The following CTIF variants were observed in gnomAD, a reference collection of about 807,000 sequenced individuals.
CTIF encodes the protein cap binding complex dependent translation initiation factor, also known as CBP80/20-dependent translation initiation factor.
CTIF carries 21 observed loss-of-function variants against 66.0 expected under a neutral mutation model. The observed-to-expected ratio is 0.32, with a 90% CI of 0.23 to 0.46. CTIF has a LOEUF of 0.46. Among genes scored for constraint, CTIF ranks in the 20% least tolerant of loss-of-function variants. The pLI is 1.00. For synonymous variants in CTIF, 345 were observed against 326.4 expected, an observed-to-expected ratio of 1.06 and a Z score of -0.62; for missense variants, 739 against 812.7, an observed-to-expected ratio of 0.91 and a Z score of 1.10.
intron 9 of CTIF, among the ~76,000 whole-genome samples, chr18:48,810,588 A>G (rs115578629): frequency 0.016 from 2,467 of 152,128 alleles, 65 homozygotes; most frequent in African/African-American, 0.056. Context: ...GCTTGTTTCA[A>G]TTTAATCTTA....
chr18:48,754,090 A>G (rs921599230), intron 7 of CTIF, among the ~76,000 whole-genome samples: 1 of 152,232 alleles, frequency 6.6e-6, no homozygotes, highest in African/African-American at 2.4e-5. Flanking sequence ...AGTCTGTTCC[A>G]GTGCCCTTAG....
chr18:48,662,894 T>G (rs1477697493), intron 3 of CTIF, among the ~76,000 whole-genome samples: 1 of 152,160 alleles, frequency 6.6e-6, no homozygotes, highest in Non-Finnish European at 1.5e-5. Context: ...GGTTTATTTA[T>G]CGAATCAGCT....
intron 1 of CTIF, among the ~76,000 whole-genome samples, chr18:48,607,759 C>G (rs550571273): frequency 6.6e-6 from 1 of 152,178 alleles, no homozygotes; most frequent in Non-Finnish European, 1.5e-5. Flanking sequence ...AGACACTGAG[C>G]AGGAGCACCC....
At chr18:48,625,996 C>CTTTTTTT (rs769138284) in intron 2 of CTIF, among the ~76,000 whole-genome samples, 2 of 114,486 alleles carry the variant, frequency 1.7e-5, no homozygotes, top group African/African-American at 3.6e-5. Flanking sequence ...ATTTCTTTTT[C>CTTTTTTT]TTTCTTTTTT....
intron 5 of CTIF, among the ~76,000 whole-genome samples, chr18:48,669,236 T>C (rs1376412335): frequency 6.6e-6 from 1 of 152,098 alleles, no homozygotes; most frequent in Non-Finnish European, 1.5e-5. Context: ...AGATGCTTGG[T>C]AAATGTTTAA....
At chr18:48,579,358 C>T (rs946414213) in intron 1 of CTIF, among the ~76,000 whole-genome samples, 10 of 152,142 alleles carry the variant, frequency 6.6e-5, no homozygotes, top group Non-Finnish European at 1.3e-4. Flanking sequence ...GTTGGCCAGG[C>T]TGGTCTCGCA....
chr18:48,764,124 C>T (rs769472747), intron 9 of CTIF, among the ~76,000 whole-genome samples: 3 of 152,182 alleles, frequency 2.0e-5, no homozygotes, highest in Non-Finnish European at 2.9e-5. Flanking sequence ...CCCCCTGAAG[C>T]ATCTCACACT....
intron 6 of CTIF, among the ~76,000 whole-genome samples, chr18:48,696,197 G>C (rs74579934): frequency 9.4e-4 from 143 of 152,350 alleles, no homozygotes; most frequent in African/African-American, 3.3e-3. Context: ...GGGGGCTTAG[G>C]AGTCCCTGGA....
At chr18:48,626,644 CGTTTTTTTTTT>C (rs1220397497) in intron 2 of CTIF, among the ~76,000 whole-genome samples, 1 of 124,572 alleles carries the variant, frequency 8.0e-6, no homozygotes, top group Non-Finnish European at 1.7e-5. Flanking sequence ...CGCACCTGGC[CGTTTTTTTTTT>C]GTTTTTTTTT....
intron 6 of CTIF, among the ~76,000 whole-genome samples, chr18:48,678,277 AAG>A (rs1182358012): frequency 3.3e-5 from 5 of 152,218 alleles, no homozygotes; most frequent in Non-Finnish European, 5.9e-5. Flanking sequence ...ACAGCTTTGA[AAG>A]AGAAATATTT....
intron 2 of CTIF, among the ~76,000 whole-genome samples, chr18:48,635,976 G>T (rs1051875543): frequency 1.3e-5 from 2 of 152,218 alleles, no homozygotes; most frequent in Non-Finnish European, 2.9e-5. Flanking sequence ...GCCTCACAGA[G>T]TCTAATTCAG....
At chr18:48,629,101 G>A (rs143161996) in intron 2 of CTIF, among the ~76,000 whole-genome samples, 14 of 152,318 alleles carry the variant, frequency 9.2e-5, no homozygotes, top group South Asian at 2.1e-4. Context: ...TCAGGGAAAT[G>A]AAGGCATTGG....
rs774310290 is a variant in CTIF at position 48,859,555 on chromosome 18, C to G, written c.1793C>G (p.Ala598Gly). 7 of 1,613,756 alleles carry G rather than the reference C, an allele frequency of 4.3e-6. No individual in the cohort carries two copies. Among genetic ancestry groups the G allele is most frequent in the Non-Finnish European group, 5.9e-6 (7 of 1,179,982 alleles). ...AACAGAACCATCCAGAAACTGACAG[C>G]CTGACAGCCAGGGGGCCTGGCAGGC... ...YYNRTIQKLTA is the reference protein window; with the variant it reads ...YYNRTIQKLTG Residue 598 changes from alanine (A) to glycine (G), a missense_variant, in exon 12 of 12, where the codon GCC becomes GGC. Ala to Gly is a moderately conservative substitution (Grantham distance 60). Around this residue, in one of 2 missense-constraint regions of CTIF, gnomAD observed 210 missense variants for 292.3 expected, o/e 0.72. Coordinates refer to ENST00000256413, the MANE Select transcript of CTIF (RefSeq NM_014772.3).
At chr18:48,833,071 A>G (rs2068729074) in intron 10 of CTIF, among the ~76,000 whole-genome samples, 1 of 152,176 alleles carries the variant, frequency 6.6e-6, no homozygotes, top group Non-Finnish European at 1.5e-5. Context: ...GGTTTGGGCA[A>G]GGGGAGGCGA....
At chr18:48,667,524 C>T (rs932253163) in intron 5 of CTIF, among the ~76,000 whole-genome samples, 1 of 152,098 alleles carries the variant, frequency 6.6e-6, no homozygotes, top group Non-Finnish European at 1.5e-5. Context: ...CTACAGGTGC[C>T]CAATGGGGCC....
intron 10 of CTIF, among the ~76,000 whole-genome samples, chr18:48,833,632 G>A (rs1041763824): frequency 1.3e-5 from 2 of 152,130 alleles, no homozygotes; most frequent in Admixed American, 1.3e-4. Context: ...AGGAGGGGTG[G>A]GGAGAGAAAA....
At chr18:48,742,541 G>A (rs1301256228) in intron 7 of CTIF, among the ~76,000 whole-genome samples, 1 of 152,278 alleles carries the variant, frequency 6.6e-6, no homozygotes, top group African/African-American at 2.4e-5. Context: ...ACCATGCCCA[G>A]AGTCCTGACT....
intron 10 of CTIF, among the ~76,000 whole-genome samples, chr18:48,817,780 A>G (rs2068399747): frequency 6.6e-6 from 1 of 151,530 alleles, no homozygotes; most frequent in Non-Finnish European, 1.5e-5. Flanking sequence ...GTCTCCAAAA[A>G]AAAAAAAAGG....
At chr18:48,729,785 G>A (rs1464285682) in intron 7 of CTIF, among the ~76,000 whole-genome samples, 1 of 152,234 alleles carries the variant, frequency 6.6e-6, no homozygotes, top group Non-Finnish European at 1.5e-5. Context: ...AGATATGGTG[G>A]GGGTTCAGAA....
Sources: allele counts gnomAD v4.1 joint callset (sites outside exome capture counted in the v4.1 genomes callset), GRCh38; gene constraint gnomAD v4.1.1; regional missense constraint gnomAD v4.1.1; transcripts MANE v1.5; gene names NCBI Gene and HGNC (gene_info 2026-07-23, HGNC 2026-07-21).